The following EEIG1 variants were observed in gnomAD, a reference collection of about 807,000 sequenced individuals.
EEIG1 encodes estrogen-induced osteoclastogenesis regulator 1.
At chr9:127,964,143 C>T in the EEIG1 span, among the ~76,000 whole-genome samples, 1 of 152,124 alleles carries the variant, frequency 6.6e-6, no homozygotes, top group Non-Finnish European at 1.5e-5. Flanking sequence ...CCAAGTGACT[C>T]GGGGAGCCCC....
At chr9:127,945,277 C>T in the EEIG1 span, 119 of 1,073,560 alleles carry the variant, frequency 1.1e-4, no homozygotes, top group African/African-American at 5.6e-4. The surrounding 1 kb of genome is among the most constrained non-coding windows in gnomAD (Gnocchi z 6.5). Flanking sequence ...GGGGACCTTA[C>T]GGTCCCTGTG....
chr9:127,963,281 C>A, the EEIG1 span, among the ~76,000 whole-genome samples: 3 of 152,208 alleles, frequency 2.0e-5, no homozygotes, highest in African/African-American at 7.2e-5. Context: ...CTGGGTCCTC[C>A]CAAGTTACCA....
chr9:127,969,182 G>A, the EEIG1 span, among the ~76,000 whole-genome samples: 1 of 152,268 alleles, frequency 6.6e-6, no homozygotes, highest in East Asian at 1.9e-4. Context: ...CAGAGCAGGC[G>A]GAGTGGCAAT....
the EEIG1 span, among the ~76,000 whole-genome samples, chr9:127,967,674 G>A: frequency 7.2e-5 from 11 of 152,356 alleles, no homozygotes; most frequent in Non-Finnish European, 1.2e-4. Context: ...TCTCCCAGCA[G>A]GCCTGCCCAC....
chr9:127,948,824 T>C, the EEIG1 span, among the ~76,000 whole-genome samples: 3 of 152,218 alleles, frequency 2.0e-5, no homozygotes, highest in Non-Finnish European at 4.4e-5. Flanking sequence ...TCATGGGGCC[T>C]GGCACAGCAG....
the EEIG1 span, chr9:127,950,386 G>A: frequency 4.4e-5 from 71 of 1,605,062 alleles, no homozygotes; most frequent in East Asian, 1.0e-3. Context: ...TCCCCATCCC[G>A]TGGTCAGGGT....
At chr9:127,973,026 C>T in the EEIG1 span, among the ~76,000 whole-genome samples, 1 of 152,162 alleles carries the variant, frequency 6.6e-6, no homozygotes, top group South Asian at 2.1e-4. This position sits in a 1 kb window ranked among gnomAD's most constrained non-coding sequence, Gnocchi z 4.2. Flanking sequence ...GCAACACCCC[C>T]TCCCCACCCT....
At chr9:127,970,117 C>A in the EEIG1 span, among the ~76,000 whole-genome samples, 9 of 152,144 alleles carry the variant, frequency 5.9e-5, no homozygotes, top group African/African-American at 2.2e-4. Context: ...TGGCATCATA[C>A]ACTTTTTTTT....
At chr9:127,968,215 T>C in the EEIG1 span, among the ~76,000 whole-genome samples, 2 of 151,960 alleles carry the variant, frequency 1.3e-5, no homozygotes, top group African/African-American at 4.8e-5. Context: ...TGGGTGGTGG[T>C]TGATTCACCC....
the EEIG1 span, chr9:127,953,568 C>G: frequency 6.2e-7 from 1 of 1,614,090 alleles, no homozygotes; most frequent in South Asian, 1.1e-5. Context: ...CACACAGCCC[C>G]TCTTACCTTG....
chr9:127,970,153 G>A, the EEIG1 span, among the ~76,000 whole-genome samples: 1 of 151,748 alleles, frequency 6.6e-6, no homozygotes, highest in African/African-American at 2.4e-5. Flanking sequence ...TTGCGCTGTC[G>A]CCTACGCTGG....
chr9:127,941,261 A>G, the EEIG1 span: 1 of 152,260 alleles, frequency 6.6e-6, no homozygotes, highest in African/African-American at 2.4e-5. Context: ...AGTCTCCCCA[A>G]CAGCGCCAAA....
the EEIG1 span, among the ~76,000 whole-genome samples, chr9:127,971,858 C>T: frequency 2.0e-5 from 3 of 152,116 alleles, no homozygotes; most frequent in African/African-American, 4.8e-5. Context: ...AGAAATTCAG[C>T]GAGCAGAGAA....
At chr9:127,968,274 T>C in the EEIG1 span, among the ~76,000 whole-genome samples, 1 of 152,042 alleles carries the variant, frequency 6.6e-6, no homozygotes, top group Non-Finnish European at 1.5e-5. Context: ...CCCCAGGGCC[T>C]GGCCCCTCGA....
At chr9:127,957,735 G>A in the EEIG1 span, among the ~76,000 whole-genome samples, 1 of 152,216 alleles carries the variant, frequency 6.6e-6, no homozygotes, top group Non-Finnish European at 1.5e-5. Context: ...AGAAAAGGTG[G>A]TCCTAGCATT....
At chr9:127,945,267 G>A in the EEIG1 span, 6 of 980,464 alleles carry the variant, frequency 6.1e-6, no homozygotes, top group African/African-American at 1.6e-5. This position sits in a 1 kb window ranked among gnomAD's most constrained non-coding sequence, Gnocchi z 6.5. Flanking sequence ...CCTCTGAGGT[G>A]GGGACCTTAC....
the EEIG1 span, chr9:127,950,717 G>A: frequency 1.2e-5 from 17 of 1,400,718 alleles, no homozygotes; most frequent in South Asian, 1.5e-5. Flanking sequence ...GCCCCGGGTC[G>A]GCAGCACCAA....
At chr9:127,979,542 G>T in the EEIG1 span, among the ~76,000 whole-genome samples, 1 of 152,234 alleles carries the variant, frequency 6.6e-6, no homozygotes, top group Non-Finnish European at 1.5e-5. Flanking sequence ...CCTCCCTCCA[G>T]CCAGACTAGG....
the EEIG1 span, chr9:127,948,322 C>T: frequency 6.2e-6 from 10 of 1,612,694 alleles, no homozygotes; most frequent in South Asian, 1.1e-5. Context: ...CCCTAGTGCC[C>T]GGGACTGGGC....
Sources: allele counts gnomAD v4.1 joint callset (sites outside exome capture counted in the v4.1 genomes callset), GRCh38; gene constraint gnomAD v4.1.1; non-coding constraint Gnocchi (gnomAD v3.1); transcripts MANE v1.5; gene names NCBI Gene and HGNC (gene_info 2026-07-23, HGNC 2026-07-21).